The following RANBP2 variants were observed in gnomAD, a reference collection of about 807,000 sequenced individuals.
RANBP2 encodes the protein E3 SUMO-protein ligase RanBP2.
A neutral mutation model predicts 303.6 loss-of-function variants in RANBP2; 57 were observed. The ratio of observed to expected loss-of-function variants is 0.19; its 90% confidence interval spans 0.15 to 0.23. The LOEUF (loss-of-function observed/expected upper bound fraction) is 0.23. RANBP2 is among the 10% of genes least tolerant of loss of function. The probability of loss-of-function intolerance (pLI) is 1.00; values close to 1 mark genes in which losing one functional copy is unlikely to be tolerated. For synonymous variants in RANBP2, 1,167 were observed against 1,301.5 expected (o/e 0.90, Z 2.23); for missense variants, 3,138 against 3,780.8 (o/e 0.83, Z 4.46).
chr2:108,789,001 C>A, downstream of RANBP2: 1 of 1,607,486 alleles, frequency 6.2e-7, no homozygotes, highest in South Asian at 1.1e-5. Context: ...TTGCTACCCC[C>A]TCAGTATCTC....
the RANBP2 span, among the ~76,000 whole-genome samples, chr2:109,337,048 T>C: frequency 6.6e-6 from 1 of 152,260 alleles, no homozygotes; most frequent in African/African-American, 2.4e-5. Context: ...GCTTAACATT[T>C]TTTAACATAA....
At chr2:109,010,152 T>C in the RANBP2 span, among the ~76,000 whole-genome samples, 24 of 152,338 alleles carry the variant, frequency 1.6e-4, no homozygotes, top group South Asian at 4.1e-4. Context: ...AGGGTGGCAA[T>C]CCCTTCCCTC....
chr2:109,551,432 C>T, the RANBP2 span, among the ~76,000 whole-genome samples: 1,145 of 152,220 alleles, frequency 7.5e-3, 32 homozygotes, highest in East Asian at 0.088. Context: ...ACATAATACC[C>T]ATGTACAATA....
At chr2:109,570,035 A>G in the RANBP2 span, among the ~76,000 whole-genome samples, 1 of 152,156 alleles carries the variant, frequency 6.6e-6, no homozygotes. Context: ...TACAAAAAAA[A>G]AACCTGTGTA....
chr2:109,650,881 T>C, the RANBP2 span, among the ~76,000 whole-genome samples: 6 of 152,094 alleles, frequency 3.9e-5, no homozygotes, highest in Non-Finnish European at 7.4e-5. Context: ...TATGTCTTTA[T>C]CAGCAGCATG....
chr2:109,685,334 C>G, the RANBP2 span, among the ~76,000 whole-genome samples: 1 of 152,196 alleles, frequency 6.6e-6, no homozygotes, highest in Non-Finnish European at 1.5e-5. Flanking sequence ...AGGATAATTA[C>G]TGAAGAATAG....
At chr2:108,937,706 T>C in the RANBP2 span, among the ~76,000 whole-genome samples, 1 of 149,412 alleles carries the variant, frequency 6.7e-6, no homozygotes, top group Non-Finnish European at 1.5e-5. Flanking sequence ...TGTGTGAGTG[T>C]ATGTGTGTGT....
the RANBP2 span, among the ~76,000 whole-genome samples, chr2:109,691,254 G>C: frequency 1.3e-5 from 2 of 152,236 alleles, no homozygotes; most frequent in South Asian, 4.1e-4. Flanking sequence ...ACTATTGGGA[G>C]AGAAATTTCT....
chr2:109,551,904 G>A, the RANBP2 span, among the ~76,000 whole-genome samples: 1 of 152,106 alleles, frequency 6.6e-6, no homozygotes, highest in African/African-American at 2.4e-5. Flanking sequence ...TTTTTTTGGT[G>A]CCAGGGCTAC....
At chr2:109,073,202 AG>A in the RANBP2 span, among the ~76,000 whole-genome samples, 2 of 152,204 alleles carry the variant, frequency 1.3e-5, no homozygotes, top group Non-Finnish European at 2.9e-5. Flanking sequence ...TCAACCAAAA[AG>A]GTAGAAAATA....
chr2:109,734,909 T>C, the RANBP2 span, among the ~76,000 whole-genome samples: 2 of 152,150 alleles, frequency 1.3e-5, no homozygotes, highest in Non-Finnish European at 2.9e-5. Context: ...GTTTATGGGG[T>C]ACAGTGTGAT....
At chr2:109,296,917 TG>T in the RANBP2 span, among the ~76,000 whole-genome samples, 1 of 152,138 alleles carries the variant, frequency 6.6e-6, no homozygotes, top group Non-Finnish European at 1.5e-5. Flanking sequence ...GAGTGTGGAT[TG>T]GGCTGCAGTG....
In RANBP2 at chr2:108,736,262, T is replaced by C. The variant is rs369091136; in HGVS notation, c.782+13T>C. The C allele has an allele frequency of 1.9e-6, 3 of 1,611,988 alleles. No individual in the cohort carries two copies. Among genetic ancestry groups the C allele is most frequent in the African/African-American group, 1.3e-5 (1 of 74,994 alleles). ...AATTACTGCAAAGGTACGTTGACTT[T>C]GAGAAGAATGCTTTAGTATAAATTG... On this transcript the variant is annotated intron_variant, in intron 6 of 28. Coordinates refer to ENST00000283195, the MANE Select transcript of RANBP2 (RefSeq NM_006267.5).
chr2:109,078,236 ATATATAGCGTG>A, the RANBP2 span, among the ~76,000 whole-genome samples: 1 of 47,894 alleles, frequency 2.1e-5, no homozygotes, highest in Admixed American at 2.3e-4. Context: ...GTGTATATAT[ATATATAGCGTG>A]TATATATATA....
the RANBP2 span, among the ~76,000 whole-genome samples, chr2:109,281,710 G>A: frequency 6.6e-6 from 1 of 152,202 alleles, no homozygotes; most frequent in South Asian, 2.1e-4. Context: ...AATCAGAAGA[G>A]TCCGTATCTG....
the RANBP2 span, among the ~76,000 whole-genome samples, chr2:109,206,078 G>A: frequency 1.3e-5 from 2 of 152,188 alleles, no homozygotes; most frequent in Admixed American, 1.3e-4. Context: ...GGTGGGCATT[G>A]TATGACCTGC....
the RANBP2 span, among the ~76,000 whole-genome samples, chr2:109,294,732 C>A: frequency 1.3e-5 from 2 of 152,116 alleles, no homozygotes; most frequent in African/African-American, 4.8e-5. Flanking sequence ...ACAGGGGAAG[C>A]TAGGGCCACA....
the RANBP2 span, among the ~76,000 whole-genome samples, chr2:109,350,152 A>G: frequency 6.6e-6 from 1 of 152,360 alleles, no homozygotes; most frequent in Admixed American, 6.5e-5. Context: ...TAGAGCCATC[A>G]GGCTTAGACT....
chr2:109,522,005 G>GT, the RANBP2 span, among the ~76,000 whole-genome samples: 2,714 of 152,246 alleles, frequency 0.018, 74 homozygotes, highest in African/African-American at 0.061. Flanking sequence ...CGACTTACAT[G>GT]GGACAGCTGT....
Sources: gnomAD v4.1 joint callset for allele counts (sites outside exome capture counted in the v4.1 genomes callset) on GRCh38, gnomAD v4.1.1 for gene constraint, MANE v1.5 for transcripts, NCBI Gene and HGNC (gene_info 2026-07-23, HGNC 2026-07-21) for gene names.